ASXL2: variants seen among roughly 807,000 people sequenced by gnomAD.
ASXL2 encodes ASXL transcriptional regulator 2, also known as putative Polycomb group protein ASXL2.
Under a neutral mutation model 122.0 loss-of-function variants are expected in ASXL2, and 23 were observed. The ratio of observed to expected loss-of-function variants is 0.19; its 90% CI spans 0.14 to 0.27. The LOEUF (loss-of-function observed/expected upper bound fraction) is 0.27, where lower values mean the gene tolerates loss of function less well. Ranked by LOEUF, ASXL2 falls within the 10% of genes least tolerant of loss-of-function variation. ASXL2 has a pLI of 1.00. For synonymous variants in ASXL2, 650 were observed against 637.0 expected, an observed-to-expected ratio of 1.02 and a Z score of -0.31; for missense variants, 1,518 against 1,713.8, an observed-to-expected ratio of 0.89 and a Z score of 2.02.
At chr2:25,821,009 G>C (rs940031708) in intron 3 of ASXL2, among the ~76,000 whole-genome samples, 1 of 151,674 alleles carries the variant, frequency 6.6e-6, no homozygotes, top group Admixed American at 6.6e-5. Context: ...GAGAAACCCC[G>C]TCTCTACTAA....
chr2:25,843,065 C>A (rs887723083), intron 2 of ASXL2, among the ~76,000 whole-genome samples: 3 of 151,120 alleles, frequency 2.0e-5, no homozygotes, highest in Non-Finnish European at 2.9e-5. Context: ...CTTTGGGAGG[C>A]CAAGGCGGGC....
chr2:25,787,983 C>T (rs1040750785), intron 5 of ASXL2, among the ~76,000 whole-genome samples: 10 of 152,032 alleles, frequency 6.6e-5, no homozygotes, highest in Non-Finnish European at 1.0e-4. Flanking sequence ...AATAATAAAG[C>T]TAAAGTAATT....
At chr2:25,769,842 T>C (rs2088415912) in intron 6 of ASXL2, among the ~76,000 whole-genome samples, 1 of 152,232 alleles carries the variant, frequency 6.6e-6, no homozygotes, top group Non-Finnish European at 1.5e-5. Flanking sequence ...GCTTAACATT[T>C]CACACGTATC....
chr2:25,797,987 T>A (rs568845487), intron 5 of ASXL2, among the ~76,000 whole-genome samples: 2 of 152,398 alleles, frequency 1.3e-5, no homozygotes, highest in South Asian at 4.1e-4. Context: ...GCAACCAAGA[T>A]GTCCTTCAGT....
Position 25,777,050 on chromosome 2 carries a change from C to G in ASXL2, c.404-5510G>C, listed in dbSNP as rs566876827. Reference sequence around the variant, plus strand: ...CCCAGAGTTGACTTAATGCTAAGTACTGCTCTATGAAACTTAACTACTACT... The same window carrying G: ...CCCAGAGTTGACTTAATGCTAAGTAGTGCTCTATGAAACTTAACTACTACT... On this transcript the variant is annotated intron_variant, in intron 5 of 12. Transcript: ENST00000435504. Among the ~76,000 whole-genome samples the G allele has an allele frequency of 4.3e-4, 65 of 152,244 alleles. 1 individual carries two copies. Among genetic ancestry groups the G allele is most frequent in the Middle Eastern group, 3.4e-3 (1 of 294 alleles).
intron 1 of ASXL2, among the ~76,000 whole-genome samples, chr2:25,856,056 A>ATTTTTGT (rs1265104433): frequency 7.0e-6 from 1 of 142,818 alleles, no homozygotes. Context: ...ACCATACCTA[A>ATTTTTGT]TTTTTGTTTT....
At chr2:25,846,289 G>C (rs1383699695) in intron 1 of ASXL2, among the ~76,000 whole-genome samples, 1 of 152,186 alleles carries the variant, frequency 6.6e-6, no homozygotes, top group Non-Finnish European at 1.5e-5. Context: ...CATGGGAGCA[G>C]CTGTGGTAAT....
At chr2:25,831,950 T>C (rs964787111) in intron 3 of ASXL2, among the ~76,000 whole-genome samples, 1 of 152,194 alleles carries the variant, frequency 6.6e-6, no homozygotes, top group Non-Finnish European at 1.5e-5. Flanking sequence ...ATTTCACTAG[T>C]GCTGAATGAA....
intron 2 of ASXL2, among the ~76,000 whole-genome samples, chr2:25,837,084 T>G (rs370931715): frequency 5.8e-3 from 510 of 88,464 alleles, no homozygotes; most frequent in Non-Finnish European, 8.3e-3. Context: ...CAAAGGGGGG[T>G]GGGGGGGGGG....
At chr2:25,874,961 C>T (rs191529633) in intron 1 of ASXL2, among the ~76,000 whole-genome samples, 2 of 151,900 alleles carry the variant, frequency 1.3e-5, no homozygotes, top group East Asian at 3.9e-4. Flanking sequence ...CGCACACCTG[C>T]ACTCCCAGCT....
At chr2:25,777,485 A>T (rs56121630) in intron 5 of ASXL2, among the ~76,000 whole-genome samples, 39,304 of 151,884 alleles carry the variant, frequency 0.26, 5,303 homozygotes, top group Non-Finnish European at 0.29. Flanking sequence ...AGAAAAAAAA[A>T]TTTTTTAATT....
In ASXL2 at chr2:25,771,463, G is replaced by T; in HGVS notation, c.481C>A (p.His161Asn). ...ACCTGCTTTAGTGCCTTCTTGCTGT[G>T]CTTCTGTGATGGAGAAATGACTTTA... ...AGKVISPSQK[H>N]SKKALKQALK... The change falls in exon 6 of 13, where the codon CAC (histidine) becomes AAC (asparagine). Residue 161 changes from histidine (H) to asparagine (N), a missense_variant. This residue lies in a region of ASXL2 where 198 missense variants were observed against 209.0 expected (regional missense o/e 0.95). Transcript: ENST00000435504. 1 of 1,613,524 alleles carries T rather than the reference G, an allele frequency of 6.2e-7. No homozygotes were observed. Among genetic ancestry groups the T allele is most frequent in the South Asian group, 1.1e-5 (1 of 91,042 alleles).
At position 25,750,209 on chromosome 2, in the gene ASXL2, G is replaced by T; in HGVS notation, c.1347C>A (p.Ser449Arg). 6.2e-7 allele frequency: 1 copy of T among 1,613,946 alleles called. No homozygotes were observed. Residue 449 changes from serine (S) to arginine (R), a missense_variant, in exon 12 of 13, where the codon AGC (serine) becomes AGA (arginine). Coordinates refer to ENST00000435504, the MANE Select transcript of ASXL2 (RefSeq NM_018263.6). ...SSPGRKEECESQGEVQPNFST... is the reference protein window; with the variant it reads ...SSPGRKEECERQGEVQPNFST... ...AGAAGTTCGGCTGCACTTCACCTTG[G>T]CTTTCACACTCTTCTTTTCTGCCTG...
In ASXL2 at chr2:25,797,700, T is replaced by A. The variant is rs1189305818; in HGVS notation, c.403+1685A>T. Among the ~76,000 whole-genome samples the A allele has an allele frequency of 2.6e-5, 4 of 152,288 alleles. No individual in the cohort carries two copies. The East Asian group carries it at 7.7e-4, about 29-fold the overall frequency. ...AAACAACGAGATACTACTACACACCTATCAGGCCAAAATCCACAACAATAA... is the reference window on the plus strand; with the variant it reads ...AAACAACGAGATACTACTACACACCAATCAGGCCAAAATCCACAACAATAA... On this transcript the variant is annotated intron_variant, in intron 5 of 12. Transcript: ENST00000435504.
chr2:25,857,093 G>A (rs908438680), intron 1 of ASXL2: 1 of 116,198 alleles, frequency 8.6e-6, no homozygotes, highest in African/African-American at 3.2e-5. Context: ...GGGGGGGCGG[G>A]GGGGGGGAGA....
chr2:25,786,259 T>TTTTTTA (rs1574416043), intron 5 of ASXL2, among the ~76,000 whole-genome samples: 1 of 128,834 alleles, frequency 7.8e-6, no homozygotes, highest in Admixed American at 7.9e-5. Context: ...TTTTTTTTTT[T>TTTTTTA]GAGATGGAGT....
At position 25,793,351 on chromosome 2, in the gene ASXL2, G is replaced by A. The variant is rs536448778; in HGVS notation, c.403+6034C>T. ...TGGATATTTACATACTGCTCACTGA[G>A]TTTAAGTCAAAAGGTACATACATAC... On this transcript the variant is annotated intron_variant, in intron 5 of 12. Transcript: ENST00000435504. 5.3e-5 allele frequency among the ~76,000 whole-genome samples: 8 copies of A among 152,284 alleles called. No individual in the cohort carries two copies. In the East Asian group the frequency reaches 1.3e-3, roughly 26 times the overall value.
chr2:25,799,652 C>G, intron 4 of ASXL2, 117 bp from the exon 5 acceptor site: 1 of 1,216,344 alleles, frequency 8.2e-7, no homozygotes, highest in Admixed American at 2.8e-5. Context: ...CTATAGGATT[C>G]AGTAGCAGAA....
intron 4 of ASXL2, among the ~76,000 whole-genome samples, chr2:25,803,094 T>G (rs1030364738): frequency 5.3e-5 from 8 of 152,118 alleles, no homozygotes; most frequent in Non-Finnish European, 8.8e-5. Context: ...ATTGCACTGC[T>G]GCAATCCAGC....
Sources: allele counts gnomAD v4.1 joint callset (sites outside exome capture counted in the v4.1 genomes callset), GRCh38; gene constraint gnomAD v4.1.1; regional missense constraint gnomAD v4.1.1; transcripts MANE v1.5; gene names NCBI Gene and HGNC (gene_info 2026-07-23, HGNC 2026-07-21).